The following LIMS1 variants were observed in gnomAD, a reference collection of about 807,000 sequenced individuals.
LIMS1 encodes LIM and senescent cell antigen-like-containing domain protein 1.
A neutral mutation model predicts 44.1 loss-of-function variants in LIMS1; 18 were observed. The observed-to-expected ratio is 0.41, with a 90% confidence interval of 0.28 to 0.61. The LOEUF is 0.61. LIMS1 is among the 20% of genes least tolerant of loss of function. The pLI is 0.32. For synonymous variants in LIMS1, 93 were observed against 149.1 expected (o/e 0.62, Z 2.74); for missense variants, 201 against 422.0 (o/e 0.48, Z 4.59).
chr2:108,635,452 A>T (rs1228878651), intron 1 of LIMS1, among the ~76,000 whole-genome samples: 3 of 126,944 alleles, frequency 2.4e-5, no homozygotes, highest in Non-Finnish European at 3.4e-5. Context: ...AAAAAAAAAG[A>T]ATGGTTGTAA....
intron 1 of LIMS1, among the ~76,000 whole-genome samples, chr2:108,575,423 A>G (rs1163467738): frequency 2.0e-5 from 3 of 152,216 alleles, no homozygotes; most frequent in African/African-American, 7.2e-5. Flanking sequence ...TACGGCTCAC[A>G]GAGCTGCAGC....
intron 1 of LIMS1, among the ~76,000 whole-genome samples, chr2:108,602,415 C>T (rs1687064475): frequency 6.6e-6 from 1 of 152,226 alleles, no homozygotes; most frequent in South Asian, 2.1e-4. Context: ...CAGTATGATA[C>T]TAGCTGTAGG....
intron 1 of LIMS1, among the ~76,000 whole-genome samples, chr2:108,613,143 G>A (rs910133987): frequency 2.4e-4 from 36 of 152,134 alleles, no homozygotes; most frequent in Admixed American, 2.4e-3. Context: ...TTGAGATGGA[G>A]GTTAATAACA....
chr2:108,674,017 G>A (rs2149001346), intron 5 of LIMS1: 1 of 152,274 alleles, frequency 6.6e-6, no homozygotes, highest in East Asian at 1.9e-4. Flanking sequence ...TTGCTGCCTA[G>A]TATAAAAATT....
At chr2:108,640,537 T>C (rs1210730336) in intron 1 of LIMS1, among the ~76,000 whole-genome samples, 1 of 152,202 alleles carries the variant, frequency 6.6e-6, no homozygotes, top group East Asian at 1.9e-4. Context: ...TCCTGCCTTC[T>C]CTGGGCTGTC....
intron 1 of LIMS1, among the ~76,000 whole-genome samples, chr2:108,608,582 G>A (rs537599601): frequency 1.2e-4 from 18 of 152,268 alleles, no homozygotes; most frequent in African/African-American, 3.1e-4. Context: ...GGAATTACAG[G>A]CGTGAGCCAC....
At chr2:108,595,413 G>A (rs543138921) in intron 1 of LIMS1, among the ~76,000 whole-genome samples, 6 of 152,244 alleles carry the variant, frequency 3.9e-5, no homozygotes, top group African/African-American at 1.4e-4. Flanking sequence ...CCCAGACCAA[G>A]ATAAATGATG....
At chr2:108,625,353 C>G (rs1197308569) in intron 1 of LIMS1, among the ~76,000 whole-genome samples, 8 of 152,192 alleles carry the variant, frequency 5.3e-5, no homozygotes, top group Non-Finnish European at 1.2e-4. Context: ...AGTTGTGACA[C>G]AGACCAATGT....
At chr2:108,547,536 C>CTT (rs988722489) in intron 1 of LIMS1, among the ~76,000 whole-genome samples, 2 of 152,132 alleles carry the variant, frequency 1.3e-5, no homozygotes, top group Non-Finnish European at 2.9e-5. Context: ...GGCAGTTTGA[C>CTT]TTATGTCTTC....
intron 1 of LIMS1, among the ~76,000 whole-genome samples, chr2:108,615,083 A>G (rs1350744453): frequency 7.6e-6 from 1 of 131,846 alleles, no homozygotes; most frequent in Non-Finnish European, 1.7e-5. Flanking sequence ...TCTATAGCGT[A>G]TAGTTGTATG....
exon 10 of LIMS1, chr2:108,685,872 G>A (rs1693269463): frequency 6.6e-6 from 1 of 152,134 alleles, no homozygotes. Context: ...CTCTACACGA[G>A]AAATATGGAG....
chr2:108,639,448 A>C (rs1198220039), intron 1 of LIMS1, among the ~76,000 whole-genome samples: 1 of 152,174 alleles, frequency 6.6e-6, no homozygotes, highest in African/African-American at 2.4e-5. Flanking sequence ...ATATATGTGT[A>C]CATGTTTTTG....
chr2:108,591,173 G>A (rs1437744134), intron 1 of LIMS1, among the ~76,000 whole-genome samples: 1 of 152,168 alleles, frequency 6.6e-6, no homozygotes, highest in Non-Finnish European at 1.5e-5. Flanking sequence ...CCATACGAAA[G>A]GATGTGTCAG....
chr2:108,644,268 G>A (rs1313095318), intron 1 of LIMS1, among the ~76,000 whole-genome samples: 9 of 152,260 alleles, frequency 5.9e-5, no homozygotes. Flanking sequence ...GCTCTGGCTG[G>A]CATCTGGTGG....
At chr2:108,570,874 C>G (rs773849780) in intron 1 of LIMS1, among the ~76,000 whole-genome samples, 11 of 152,170 alleles carry the variant, frequency 7.2e-5, no homozygotes, top group Non-Finnish European at 1.3e-4. Context: ...AAGTGTTAGC[C>G]GTCAGCTAGC....
chr2:108,564,694 A>T (rs1238479991), intron 1 of LIMS1, among the ~76,000 whole-genome samples: 1 of 152,172 alleles, frequency 6.6e-6, no homozygotes, highest in African/African-American at 2.4e-5. Context: ...TTGGCACGTC[A>T]TACGATTTAG....
chr2:108,546,469 A>G (rs1684486145), intron 1 of LIMS1, among the ~76,000 whole-genome samples: 1 of 151,686 alleles, frequency 6.6e-6, no homozygotes, highest in Non-Finnish European at 1.5e-5. Flanking sequence ...CTGTAAGTGC[A>G]TGTTGCTCTT....
intron 1 of LIMS1, among the ~76,000 whole-genome samples, chr2:108,634,337 G>A (rs1428277271): frequency 2.0e-5 from 3 of 152,236 alleles, no homozygotes; most frequent in Non-Finnish European, 4.4e-5. Flanking sequence ...TGGGGAATGG[G>A]AGAGAGGTAG....
chr2:108,674,367 A>G (rs1692366112), intron 5 of LIMS1, among the ~76,000 whole-genome samples: 1 of 152,080 alleles, frequency 6.6e-6, no homozygotes, highest in Non-Finnish European at 1.5e-5. Flanking sequence ...TACTGTAGTT[A>G]ATGTGAACTT....
Sources: gnomAD v4.1 joint callset for allele counts (sites outside exome capture counted in the v4.1 genomes callset) on GRCh38, gnomAD v4.1.1 for gene constraint, MANE v1.5 for transcripts, NCBI Gene and HGNC (gene_info 2026-07-23, HGNC 2026-07-21) for gene names.